The following ACAN variants were observed in gnomAD, a reference collection of about 807,000 sequenced individuals.
ACAN encodes the protein aggrecan core protein.
In ACAN, 47 loss-of-function variants were observed where a neutral mutation model predicts 169.1. The ratio of observed to expected loss-of-function variants is 0.28; its 90% CI spans 0.22 to 0.35. The LOEUF is 0.35. ACAN is among the 10% of genes least tolerant of loss of function. ACAN has a pLI of 1.00. For missense variants in ACAN, 2,716 were observed against 2,759.9 expected (o/e 0.98, Z 0.36); for synonymous variants, 1,115 against 1,112.2 (o/e 1.00, Z -0.05).
In ACAN at chr15:88,856,945, G is replaced by A. The variant is rs1209165088; in HGVS notation, c.4360G>A (p.Gly1454Arg). The change falls in exon 12 of 19, where the codon GGA becomes AGA. Residue 1454 changes from glycine to arginine, a missense_variant. This residue lies in a region of ACAN where 1,389 missense variants were observed against 1,363.7 expected (regional missense o/e 1.02). Transcript: ENST00000560601. ...AGAGGAGATCAGCGGGCTTCCTTCT[G>A]GAGAAGTTCTAGAGACTTCTACCTC... ...GVEEISGLPS[G>R]EVLETSTSAV... 1 of 1,613,244 alleles carries A rather than the reference G, an allele frequency of 6.2e-7. No individual in the cohort carries two copies. The highest frequency in any genetic ancestry group is 1.3e-5 in the African/African-American group (1 of 74,848).
intron 12 of ACAN, 127 bp from the exon 13 acceptor site, chr15:88,860,199 A>G: frequency 3.4e-6 from 2 of 596,316 alleles, no homozygotes; most frequent in African/African-American, 1.9e-5. Flanking sequence ...GAGGCCTCAG[A>G]AAAGTGCTGA....
At chr15:88,864,867 C>T (rs1006820202) in intron 13 of ACAN, among the ~76,000 whole-genome samples, 9 of 152,204 alleles carry the variant, frequency 5.9e-5, no homozygotes, top group African/African-American at 2.2e-4. Flanking sequence ...ATATTGTAGT[C>T]TTTATGAGTG....
In ACAN at chr15:88,856,830, T is replaced by C; in HGVS notation, c.4245T>C (p.Ser1415=). 6.4e-7 allele frequency: 1 copy of C among 1,566,938 alleles called. No homozygotes were observed. The highest frequency in any genetic ancestry group is 8.7e-7 in the Non-Finnish European group (1 of 1,151,770). Residue 1415 remains serine, a synonymous_variant, in exon 12 of 19, where the codon TCT becomes TCC. Transcript: ENST00000560601. ...PGVEEISGLP[S]GEVLETTAPG... is the part of the protein sequence containing the mutation. ...TAGAGGAGATCAGCGGGCTTCCTTC[T>C]GGAGAAGTTCTAGAGACTACTGCCC... is the stretch of plus-strand genomic sequence containing the variant.
intron 1 of ACAN, among the ~76,000 whole-genome samples, chr15:88,806,503 C>T (rs1895686729): frequency 6.6e-6 from 1 of 152,066 alleles, no homozygotes; most frequent in Non-Finnish European, 1.5e-5. Context: ...TTGTGTACCA[C>T]CACGCCCGGC....
rs764840299 is a variant in ACAN, at chr15:88,813,029, TA to T, written c.-8+9222del. On this transcript the variant is annotated intron_variant, in intron 1 of 18. Transcript: ENST00000560601. ...AAGGTTGAACAAAATTAACCCTAGT[TA>T]ATTTTGGGTCCCTTCTTAATATGCT... Among the ~76,000 whole-genome samples, 96 of 152,196 alleles carry T rather than the reference TA, an allele frequency of 6.3e-4. 1 individual carries two copies. Among genetic ancestry groups the T allele is most frequent in the Admixed American group, 1.4e-3 (22 of 15,294 alleles).
chr15:88,858,286 A>G lies in ACAN; in HGVS notation c.5701A>G (p.Ile1901Val). The part of the protein sequence containing the change: ...TPEFSGLPSG[I>V]AEVSGESSRA... ...GGAATTCAGTGGCCTACCAAGTGGC[A>G]TAGCTGAGGTCAGTGGAGAATCCTC... The change falls in exon 12 of 19, where the codon ATA becomes GTA. Residue 1901 changes from isoleucine to valine, a missense_variant. Physicochemically the swap from Ile to Val is conservative, Grantham distance 29. Around this residue, in one of 3 missense-constraint regions of ACAN, gnomAD observed 1,389 missense variants for 1,363.7 expected, o/e 1.02. Transcript: ENST00000560601. This position sits in a 1 kb window ranked among gnomAD's most constrained non-coding sequence, Gnocchi z 4.0. 1 of 1,613,954 alleles carries G rather than the reference A, an allele frequency of 6.2e-7. No individual in the cohort carries two copies. Among genetic ancestry groups the G allele is most frequent in the Non-Finnish European group, 8.5e-7 (1 of 1,179,890 alleles).
chr15:88,825,477 T>A, intron 1 of ACAN, among the ~76,000 whole-genome samples: 1 of 152,214 alleles, frequency 6.6e-6, no homozygotes, highest in South Asian at 2.1e-4. Flanking sequence ...TAGTACATTA[T>A]GAGTCAAAGG....
In ACAN at chr15:88,861,641, C is replaced by T. The variant is rs943294404; in HGVS notation, c.6946+1202C>T. Among the ~76,000 whole-genome samples the T allele has an allele frequency of 9.9e-5, 15 of 152,068 alleles. No individual in the cohort carries two copies. The highest frequency in any genetic ancestry group is 3.9e-4 in the East Asian group (2 of 5,192). Reference sequence around the variant, plus strand: ...AGGGTGGGCTATCCTGGGAAGGTCCCGGGCTTACTGCAGAAGGGGACAGCA... The same window carrying T: ...AGGGTGGGCTATCCTGGGAAGGTCCTGGGCTTACTGCAGAAGGGGACAGCA... On this transcript the variant is annotated intron_variant, in intron 13 of 18. Transcript: ENST00000560601. The surrounding 1 kb of genome is among the most constrained non-coding windows in gnomAD (Gnocchi z 6.3).
chr15:88,858,307 TC>T lies in ACAN; in HGVS notation c.5724del (p.Ser1909ProfsTer29). On this transcript the variant is annotated frameshift_variant, in exon 12 of 19. Transcript: ENST00000560601. LOFTEE classifies it high-confidence loss of function. This position sits in a 1 kb window ranked among gnomAD's most constrained non-coding sequence, Gnocchi z 4.0. The part of the protein sequence containing the change: ...PSGIAEVSGE[S>X]SRAEIGSSLP... ...TGGCATAGCTGAGGTCAGTGGAGAA[TC>T]CTCCAGAGCTGAGATTGGGAGCAGC... 6.2e-7 allele frequency: 1 copy of T among 1,613,926 alleles called. No homozygotes were observed. The highest frequency in any genetic ancestry group is 1.1e-5 in the South Asian group (1 of 91,086).
At chr15:88,804,592 A>G (rs1342598139) in intron 1 of ACAN, among the ~76,000 whole-genome samples, 3 of 152,152 alleles carry the variant, frequency 2.0e-5, no homozygotes, top group Non-Finnish European at 2.9e-5. Flanking sequence ...AACGAAGCCA[A>G]TGCTGGTGGA....
chr15:88,868,412 T>C lies in ACAN; in HGVS notation c.7060+83T>C. The C allele has an allele frequency of 1.6e-6, 1 of 626,766 alleles. No individual in the cohort carries two copies. The highest frequency in any genetic ancestry group is 2.9e-6 in the Non-Finnish European group (1 of 346,550). 38.8% of individuals were successfully genotyped at this position (626,766 alleles called of 1,614,324 possible). A position where few individuals can be genotyped will look rare whatever the true frequency, so the allele number is the denominator to read the frequency against. On this transcript the variant is annotated intron_variant, in intron 14 of 18. Transcript: ENST00000560601. This position sits in a 1 kb window ranked among gnomAD's most constrained non-coding sequence, Gnocchi z 5.2. ...TCACCTTTCCCTCCTAACAACAGGC[T>C]CCAGGCCCTGGCTGGGGCCCCCGAG...
chr15:88,869,994 C>A lies in ACAN; in HGVS notation c.7061-1388C>A, dbSNP rs1042953279. Among the ~76,000 whole-genome samples, 1 of 152,200 alleles carries A rather than the reference C, an allele frequency of 6.6e-6. No individual in the cohort carries two copies. The highest frequency in any genetic ancestry group is 6.5e-5 in the Admixed American group (1 of 15,274). On this transcript the variant is annotated intron_variant, in intron 14 of 18. Transcript: ENST00000560601. The surrounding 1 kb of genome is among the most constrained non-coding windows in gnomAD (Gnocchi z 4.2). Reference sequence around the variant, plus strand: ...GGGGCCAAAAACTGACCCCCTAAGTCAGCCCTAAGATGATATCTCTGGCCT... The same window carrying A: ...GGGGCCAAAAACTGACCCCCTAAGTAAGCCCTAAGATGATATCTCTGGCCT...
chr15:88,837,418 C>T (rs1896532028), intron 2 of ACAN, among the ~76,000 whole-genome samples: 1 of 152,208 alleles, frequency 6.6e-6, no homozygotes, highest in Non-Finnish European at 1.5e-5. Flanking sequence ...TAGAACTTAA[C>T]AATCTGTTGG....
Position 88,851,853 on chromosome 15 carries a change from G to C in ACAN, c.2086G>C (p.Gly696Arg). 6.2e-7 allele frequency: 1 copy of C among 1,611,732 alleles called. No homozygotes were observed. The highest frequency in any genetic ancestry group is 8.5e-7 in the Non-Finnish European group (1 of 1,179,008). The change falls in exon 11 of 19, where the codon GGT (glycine) becomes CGT (arginine). Residue 696 changes from glycine to arginine, a missense_variant. Physicochemically the swap from Gly to Arg is moderately radical, Grantham distance 125 (BLOSUM62 -2). Around this residue, in one of 3 missense-constraint regions of ACAN, gnomAD observed 1,283 missense variants for 1,281.5 expected, o/e 1.00. Transcript: ENST00000560601. This position sits in a 1 kb window ranked among gnomAD's most constrained non-coding sequence, Gnocchi z 4.3. ...GGGTGGCACACCCACATCACCCTCT[G>C]GTGTGGAGGAGTGGATCGTGACCCA... ...EEGGTPTSPS[G>R]VEEWIVTQVV...
chr15:88,806,662 T>A (rs1895690890), intron 1 of ACAN, among the ~76,000 whole-genome samples: 2 of 152,170 alleles, frequency 1.3e-5, no homozygotes. Context: ...AATTTCTTTT[T>A]AATGATTCCT....
chr15:88,841,800 G>A lies in ACAN; in HGVS notation c.690G>A (p.Val230=), dbSNP rs1159686392. ...GAGACAAGGATGAGTTTCCTGGTGT[G>A]AGGACGTATGGCATCCGAGACACCA... ...CYGDKDEFPG[V]RTYGIRDTNE... is the part of the protein sequence containing the mutation. Residue 230 remains valine, a synonymous_variant, in exon 5 of 19, where the codon GTG becomes GTA. Transcript: ENST00000560601. 1.9e-6 allele frequency: 3 copies of A among 1,613,578 alleles called. No homozygotes were observed. The highest frequency in any genetic ancestry group is 2.5e-6 in the Non-Finnish European group (3 of 1,179,794).
At position 88,869,280 on chromosome 15, in the gene ACAN, A is replaced by C. The variant is rs1897330236; in HGVS notation, c.7060+951A>C. ...TAAAATCCTTTTCAATGAACTCTCA[A>C]GTTGGATACCCAGAAACTTCCAGAA... On this transcript the variant is annotated intron_variant, in intron 14 of 18. Coordinates refer to ENST00000560601, the MANE Select transcript of ACAN (RefSeq NM_001369268.1). This position sits in a 1 kb window ranked among gnomAD's most constrained non-coding sequence, Gnocchi z 4.2. Among the ~76,000 whole-genome samples the C allele has an allele frequency of 6.6e-6, 1 of 152,160 alleles. No homozygotes were observed. Among genetic ancestry groups the C allele is most frequent in the Non-Finnish European group, 1.5e-5 (1 of 68,022 alleles).
In ACAN at chr15:88,870,664, C is replaced by G. The variant is rs1044126667; in HGVS notation, c.7061-718C>G. Among the ~76,000 whole-genome samples, 3 of 152,152 alleles carry G rather than the reference C, an allele frequency of 2.0e-5. No homozygotes were observed. The highest frequency in any genetic ancestry group is 7.2e-5 in the African/African-American group (3 of 41,444). The stretch of plus-strand genomic sequence containing the variant: ...CCAGCCCCTTCTCCAGACTGAGAAC[C>G]CATTACGAATTTAGGTTTGTGAGGA... On this transcript the variant is annotated intron_variant, in intron 14 of 18. Transcript: ENST00000560601. The surrounding 1 kb of genome is among the most constrained non-coding windows in gnomAD (Gnocchi z 6.3).
rs571936812 is a variant in ACAN at position 88,862,716 on chromosome 15, G to A, written c.6946+2277G>A. On this transcript the variant is annotated intron_variant, in intron 13 of 18. Coordinates refer to ENST00000560601, the MANE Select transcript of ACAN (RefSeq NM_001369268.1). ...CAGGTTGTTAAAAAGACCACGGATCGGCCAGGTGCAGTGGCTCATGCCTGT... is the reference window on the plus strand; with the variant it reads ...CAGGTTGTTAAAAAGACCACGGATCAGCCAGGTGCAGTGGCTCATGCCTGT... Among the ~76,000 whole-genome samples, 226 of 152,300 alleles carry A rather than the reference G, an allele frequency of 1.5e-3. 3 individuals are homozygous for A. In the South Asian group the frequency reaches 0.044, roughly 30 times the overall value.
Sources: gnomAD v4.1 joint callset for allele counts (sites outside exome capture counted in the v4.1 genomes callset) on GRCh38, gnomAD v4.1.1 for gene constraint, gnomAD v4.1.1 regional missense constraint, Gnocchi (gnomAD v3.1) non-coding constraint, MANE v1.5 for transcripts, NCBI Gene and HGNC (gene_info 2026-07-23, HGNC 2026-07-21) for gene names.